DPY19L2: variants seen among roughly 807,000 people sequenced by gnomAD.
DPY19L2 encodes dpy-19 like 2, also known as probable C-mannosyltransferase DPY19L2.
In DPY19L2, 34 loss-of-function variants were observed where a neutral mutation model predicts 97.9. That is an observed-to-expected ratio of 0.35 (90% CI 0.26 to 0.46). DPY19L2 has a LOEUF of 0.46. Ranked by LOEUF, DPY19L2 falls within the 20% of genes least tolerant of loss-of-function variation. The probability of loss-of-function intolerance (pLI) is 1.00; values close to 1 mark genes in which losing one functional copy is unlikely to be tolerated. For missense variants in DPY19L2, 623 were observed against 911.4 expected (o/e 0.68, Z 4.07); for synonymous variants, 230 against 307.9 (o/e 0.75, Z 2.65).
At chr12:63,583,545 G>T (rs1881295378) in intron 17 of DPY19L2, among the ~76,000 whole-genome samples, 1 of 152,202 alleles carries the variant, frequency 6.6e-6, no homozygotes, top group Non-Finnish European at 1.5e-5. Flanking sequence ...CAGCAGGCTA[G>T]AAACTGAATG....
intron 5 of DPY19L2, among the ~76,000 whole-genome samples, chr12:63,644,896 C>T (rs1893196620): frequency 6.6e-6 from 1 of 152,054 alleles, no homozygotes; most frequent in Admixed American, 6.6e-5. Context: ...GTGTCTGGAA[C>T]TGTCTGTAGA....
chr12:63,628,140 C>T (rs567961942), intron 6 of DPY19L2, among the ~76,000 whole-genome samples: 27 of 152,238 alleles, frequency 1.8e-4, no homozygotes, highest in Middle Eastern at 3.4e-3. Context: ...CCAGCATGAG[C>T]GACACAGAGG....
intron 4 of DPY19L2, among the ~76,000 whole-genome samples, chr12:63,658,743 G>A (rs547507141): frequency 3.4e-4 from 51 of 152,070 alleles, no homozygotes; most frequent in African/African-American, 1.1e-3. Context: ...TTCTTTCAGC[G>A]GCACTGATCT....
At chr12:63,668,709 T>G, upstream of DPY19L2, 1 of 350,240 alleles carries the variant, frequency 2.9e-6, no homozygotes, top group Non-Finnish European at 5.2e-6. Flanking sequence ...CCCCAGCGCC[T>G]GCAGCCTCCG....
chr12:63,637,228 T>G lies in DPY19L2; in HGVS notation c.803+7175A>C, dbSNP rs185048058. On this transcript the variant is annotated intron_variant, in intron 6 of 21. Coordinates refer to ENST00000324472, the MANE Select transcript of DPY19L2 (RefSeq NM_173812.5). ...TGAAAGCAGAAATAAAGATGTTCTT[T>G]GAAACCAATGAGAACAAAGATACAA... Among the ~76,000 whole-genome samples, 264 of 152,254 alleles carry G rather than the reference T, an allele frequency of 1.7e-3. 1 individual carries two copies. Among genetic ancestry groups the G allele is most frequent in the African/African-American group, 6.2e-3 (257 of 41,542 alleles).
intron 4 of DPY19L2, among the ~76,000 whole-genome samples, chr12:63,649,076 ACTTT>A (rs1481740359): frequency 6.6e-6 from 1 of 152,122 alleles, no homozygotes; most frequent in Non-Finnish European, 1.5e-5. Flanking sequence ...CTCCTGAATG[ACTTT>A]CTGAGTCAAC....
intron 16 of DPY19L2, among the ~76,000 whole-genome samples, chr12:63,586,986 A>C (rs558126618): frequency 6.6e-6 from 1 of 152,276 alleles, no homozygotes; most frequent in East Asian, 1.9e-4. Flanking sequence ...TAAATTCACC[A>C]ATTAGAAAAC....
At chr12:63,612,600 C>A (rs1404916593) in intron 11 of DPY19L2, among the ~76,000 whole-genome samples, 1 of 86,392 alleles carries the variant, frequency 1.2e-5, no homozygotes, top group Non-Finnish European at 2.1e-5. Context: ...TGCTTTATAC[C>A]TTTAAAAAAA....
intron 6 of DPY19L2, among the ~76,000 whole-genome samples, chr12:63,640,962 G>A (rs1363120495): frequency 1.3e-5 from 2 of 151,860 alleles, no homozygotes; most frequent in African/African-American, 4.8e-5. Flanking sequence ...GCGCAATGTC[G>A]GCTCACTGCA....
At chr12:63,655,383 T>C (rs147113726) in intron 4 of DPY19L2, among the ~76,000 whole-genome samples, 2 of 152,168 alleles carry the variant, frequency 1.3e-5, no homozygotes, top group African/African-American at 2.4e-5. Flanking sequence ...CATTGACTAC[T>C]GAGTATGTAG....
rs767293859 is a variant in DPY19L2 at position 63,600,375 on chromosome 12, A to C, written c.1290T>G (p.Gly430=). ...VSKLNFWLIQ[G]SAWWCGTIIL... ...TGATTGTTCCACACCACCAGGCACT[A>C]CCTTGAATTAGCTAGAAAATAAAAT... The change falls in exon 13 of 22, where the codon GGT becomes GGG. Residue 430 remains glycine (G), a synonymous_variant. Coordinates refer to ENST00000324472, the MANE Select transcript of DPY19L2 (RefSeq NM_173812.5). 1.9e-6 allele frequency: 3 copies of C among 1,593,110 alleles called. No individual in the cohort carries two copies. Among genetic ancestry groups the C allele is most frequent in the Non-Finnish European group, 2.6e-6 (3 of 1,163,582 alleles).
chr12:63,666,562 C>A, intron 1 of DPY19L2: 1 of 430,128 alleles, frequency 2.3e-6, no homozygotes, highest in South Asian at 1.7e-5. Flanking sequence ...GTTTTCAATT[C>A]CTCTGGAGAG....
chr12:63,579,070 C>T (rs1165385063), intron 19 of DPY19L2, among the ~76,000 whole-genome samples: 3 of 152,062 alleles, frequency 2.0e-5, no homozygotes, highest in East Asian at 1.9e-4. Context: ...CTATGGCAGA[C>T]GGAGAGGAAG....
chr12:63,606,653 T>G (rs1193854394), intron 12 of DPY19L2, among the ~76,000 whole-genome samples: 1 of 152,130 alleles, frequency 6.6e-6, no homozygotes, highest in African/African-American at 2.4e-5. Flanking sequence ...CTTTTGTGTG[T>G]AAGGAATGTT....
At chr12:63,647,115 T>C (rs1279265961) in intron 5 of DPY19L2, 130 bp downstream of exon 5, 9 of 817,964 alleles carry the variant, frequency 1.1e-5, no homozygotes, top group Non-Finnish European at 1.5e-5. Context: ...AAAATACTCA[T>C]TGATGTGAGT....
intron 14 of DPY19L2, among the ~76,000 whole-genome samples, chr12:63,597,019 C>G (rs1343174241): frequency 6.6e-6 from 1 of 152,054 alleles, no homozygotes; most frequent in Non-Finnish European, 1.5e-5. Context: ...GTCACCCAGG[C>G]TGGAGTGCAT....
chr12:63,668,632 G>T, upstream of DPY19L2: 1 of 528,930 alleles, frequency 1.9e-6, no homozygotes. Flanking sequence ...CAGCACCCCC[G>T]CCTCTGCGCT....
intron 4 of DPY19L2, among the ~76,000 whole-genome samples, chr12:63,653,140 G>A: frequency 6.6e-6 from 1 of 152,082 alleles, no homozygotes; most frequent in Non-Finnish European, 1.5e-5. Context: ...AAAAACAGAT[G>A]CTAACAGAAT....
At chr12:63,668,731 C>T (rs1592798595), upstream of DPY19L2, 1 of 327,866 alleles carries the variant, frequency 3.1e-6, no homozygotes, top group South Asian at 3.5e-5. Flanking sequence ...TGCGCGCAGG[C>T]CCCAAGCCCA....
Sources: gnomAD v4.1 joint callset for allele counts (sites outside exome capture counted in the v4.1 genomes callset) on GRCh38, gnomAD v4.1.1 for gene constraint, MANE v1.5 for transcripts, NCBI Gene and HGNC (gene_info 2026-07-23, HGNC 2026-07-21) for gene names.